The following FA2H variants were observed in gnomAD, a reference collection of about 807,000 sequenced individuals.
FA2H encodes the protein fatty acid alpha-hydroxylase.
A neutral mutation model predicts 44.9 loss-of-function variants in FA2H; 22 were observed. The ratio of observed to expected loss-of-function variants is 0.49; its 90% CI spans 0.35 to 0.70. FA2H has a LOEUF of 0.70. Among genes scored for constraint, FA2H ranks in the 30% least tolerant of loss-of-function variants. The probability of loss-of-function intolerance (pLI) is 0.01; values close to 1 mark genes in which losing one functional copy is unlikely to be tolerated. For missense variants in FA2H, 501 were observed against 504.9 expected (o/e 0.99, Z 0.07); for synonymous variants, 243 against 213.2 (o/e 1.14, Z -1.22).
chr16:74,764,429 G>A (rs1194696459), intron 1 of FA2H, among the ~76,000 whole-genome samples: 1 of 152,186 alleles, frequency 6.6e-6, no homozygotes, highest in African/African-American at 2.4e-5. Flanking sequence ...GAATATGGAT[G>A]GAGCTGGAAG....
intron 6 of FA2H, among the ~76,000 whole-genome samples, chr16:74,715,052 G>A (rs1022530327): frequency 6.6e-6 from 1 of 151,928 alleles, no homozygotes; most frequent in Non-Finnish European, 1.5e-5. Flanking sequence ...TGGCCAGGCT[G>A]GTCTTGAACT....
chr16:74,741,522 G>C (rs1288482840), intron 1 of FA2H, among the ~76,000 whole-genome samples: 1 of 151,872 alleles, frequency 6.6e-6, no homozygotes, highest in Non-Finnish European at 1.5e-5. Context: ...ACCCAGGCTG[G>C]GGTGCAACAG....
chr16:74,742,741 G>T (rs376658239), intron 1 of FA2H, among the ~76,000 whole-genome samples: 11 of 152,294 alleles, frequency 7.2e-5, no homozygotes, highest in East Asian at 5.8e-4. Flanking sequence ...AGGAGGCTGA[G>T]GGAGGAGGAT....
intron 1 of FA2H, among the ~76,000 whole-genome samples, chr16:74,772,401 T>A (rs141924721): frequency 2.3e-3 from 348 of 152,334 alleles, no homozygotes; most frequent in African/African-American, 8.1e-3. Flanking sequence ...TAAGCAACTA[T>A]CATGTGATCT....
chr16:74,769,541 C>A (rs78706599), intron 1 of FA2H, among the ~76,000 whole-genome samples: 3,473 of 152,068 alleles, frequency 0.023, 140 homozygotes, highest in African/African-American at 0.08. Context: ...TGGTAAAAGG[C>A]GAAAGACTTA....
chr16:74,733,657 C>A (rs187936488), intron 2 of FA2H, among the ~76,000 whole-genome samples: 1 of 152,174 alleles, frequency 6.6e-6, no homozygotes, highest in Non-Finnish European at 1.5e-5. Context: ...TGGCAGTTGG[C>A]GGGACCGGGT....
At chr16:74,741,808 A>ATATATATATATATATATATATATGTG (rs1491185782) in intron 1 of FA2H, among the ~76,000 whole-genome samples, 1 of 48,412 alleles carries the variant, frequency 2.1e-5, no homozygotes, top group Non-Finnish European at 3.5e-5. Context: ...ATATATATAT[A>ATATATATATATATATATATATATGTG]TGTGTGTGTG....
intron 2 of FA2H, among the ~76,000 whole-genome samples, chr16:74,738,308 GCCCCTCGTC>G (rs1962220636): frequency 6.6e-6 from 1 of 152,140 alleles, no homozygotes; most frequent in African/African-American, 2.4e-5. Flanking sequence ...GGGAGGAGGG[GCCCCTCGTC>G]CCCTTGGGTG....
At chr16:74,750,480 G>T (rs547684849) in intron 1 of FA2H, among the ~76,000 whole-genome samples, 17 of 152,072 alleles carry the variant, frequency 1.1e-4, no homozygotes, top group Non-Finnish European at 1.8e-4. Flanking sequence ...TTACAAAATG[G>T]CAAATGATTA....
chr16:74,746,159 G>A (rs1170829932), intron 1 of FA2H, among the ~76,000 whole-genome samples: 1 of 152,066 alleles, frequency 6.6e-6, no homozygotes, highest in Non-Finnish European at 1.5e-5. Context: ...CAGTGAAATA[G>A]AGGGGCCACA....
chr16:74,750,830 C>T lies in FA2H; in HGVS notation c.271-10715G>A, dbSNP rs567903887. Among the ~76,000 whole-genome samples the T allele has an allele frequency of 1.7e-3, 253 of 148,672 alleles. 1 individual carries two copies. Among genetic ancestry groups the T allele is most frequent in the Non-Finnish European group, 3.0e-3 (202 of 67,468 alleles). On this transcript the variant is annotated intron_variant, in intron 1 of 6. Coordinates refer to ENST00000219368, the MANE Select transcript of FA2H (RefSeq NM_024306.5). The stretch of plus-strand genomic sequence containing the variant: ...CTCGCTCTGTCAGCAGGCTGGAGTG[C>T]AGTGGTGCAATCATGGCTCACTGCA...
chr16:74,727,427 C>T, intron 2 of FA2H, 41 bp from the exon 3 acceptor site: 1 of 1,606,548 alleles, frequency 6.2e-7, no homozygotes, highest in Middle Eastern at 1.7e-4. Context: ...ATATTCACGT[C>T]TTCCCATATT....
chr16:74,718,144 A>C (rs1961747275), intron 5 of FA2H, among the ~76,000 whole-genome samples: 1 of 152,208 alleles, frequency 6.6e-6, no homozygotes, highest in South Asian at 2.1e-4. Flanking sequence ...TCAAACCCCG[A>C]ATCGGCTCAT....
At chr16:74,726,126 T>C (rs1332348926) in intron 4 of FA2H, 99 bp downstream of exon 4, 30 of 798,940 alleles carry the variant, frequency 3.8e-5, no homozygotes, top group Non-Finnish European at 5.5e-5. Flanking sequence ...GTGATGTAGT[T>C]TGGGGTTCTG....
intron 5 of FA2H, among the ~76,000 whole-genome samples, chr16:74,718,368 G>T (rs540206601): frequency 1.3e-5 from 2 of 152,172 alleles, no homozygotes; most frequent in African/African-American, 4.8e-5. Context: ...GAAGCAGCGG[G>T]GGGTACAGGG....
intron 5 of FA2H, among the ~76,000 whole-genome samples, chr16:74,717,976 C>G (rs576800387): frequency 3.0e-4 from 46 of 152,292 alleles, no homozygotes; most frequent in African/African-American, 1.1e-3. Flanking sequence ...GCCTGGGCTG[C>G]GCTACCTCTG....
intron 1 of FA2H, among the ~76,000 whole-genome samples, chr16:74,757,964 A>G (rs1441514339): frequency 1.3e-5 from 2 of 152,138 alleles, no homozygotes; most frequent in African/African-American, 4.8e-5. Flanking sequence ...GGCTGCAGTG[A>G]GCTGAGATAG....
intron 2 of FA2H, among the ~76,000 whole-genome samples, chr16:74,737,916 C>G (rs558547706): frequency 6.6e-6 from 1 of 152,372 alleles, no homozygotes; most frequent in African/African-American, 2.4e-5. Context: ...CTCCCCCAGC[C>G]TCTCTGTTCC....
intron 1 of FA2H, among the ~76,000 whole-genome samples, chr16:74,760,359 C>T (rs981175108): frequency 6.6e-6 from 1 of 152,176 alleles, no homozygotes; most frequent in African/African-American, 2.4e-5. Flanking sequence ...ACTGGCTAAA[C>T]TAAAATTGTC....
Sources: gnomAD v4.1 joint callset for allele counts (sites outside exome capture counted in the v4.1 genomes callset) on GRCh38, gnomAD v4.1.1 for gene constraint, MANE v1.5 for transcripts, NCBI Gene and HGNC (gene_info 2026-07-23, HGNC 2026-07-21) for gene names.